The following SLC25A26 variants were observed in gnomAD, a reference collection of about 807,000 sequenced individuals.
The protein encoded by SLC25A26 is mitochondrial S-adenosylmethionine carrier protein.
A neutral mutation model predicts 37.8 loss-of-function variants in SLC25A26; 36 were observed. The ratio of observed to expected loss-of-function variants is 0.95; its 90% CI spans 0.73 to 1.26. The LOEUF is 1.26. Among genes scored for constraint, SLC25A26 ranks in the 50% most tolerant of loss-of-function variants. SLC25A26 has a pLI of 0.00. For missense variants in SLC25A26, 390 were observed against 331.1 expected (o/e 1.18, Z -1.38); for synonymous variants, 129 against 122.5 (o/e 1.05, Z -0.35).
At chr3:66,292,047 T>A (rs1484839461) in intron 5 of SLC25A26, among the ~76,000 whole-genome samples, 2 of 152,240 alleles carry the variant, frequency 1.3e-5, no homozygotes, top group Non-Finnish European at 2.9e-5. Flanking sequence ...CCTTTACCGC[T>A]ACATAATGCC....
chr3:66,339,677 C>G (rs191822895), intron 5 of SLC25A26, among the ~76,000 whole-genome samples: 6 of 151,914 alleles, frequency 3.9e-5, no homozygotes, highest in African/African-American at 1.4e-4. Flanking sequence ...TGTGCATCTT[C>G]TCTAGAATGA....
At chr3:66,284,190 T>A (rs775734740) in intron 5 of SLC25A26, among the ~76,000 whole-genome samples, 1 of 152,026 alleles carries the variant, frequency 6.6e-6, no homozygotes, top group African/African-American at 2.4e-5. Context: ...CTACAAAAAA[T>A]TTTTAAAAAA....
At chr3:66,162,821 T>C (rs1031726457) in intron 1 of SLC25A26, among the ~76,000 whole-genome samples, 1 of 152,128 alleles carries the variant, frequency 6.6e-6, no homozygotes, top group African/African-American at 2.4e-5. Context: ...CACATGGAGG[T>C]GAAGTTATGA....
At chr3:66,247,003 A>C (rs1264492672) in intron 3 of SLC25A26, among the ~76,000 whole-genome samples, 1 of 151,698 alleles carries the variant, frequency 6.6e-6, no homozygotes, top group East Asian at 1.9e-4. Flanking sequence ...CTGGGACTAC[A>C]GGCACCCGCC....
intron 5 of SLC25A26, among the ~76,000 whole-genome samples, chr3:66,282,088 T>C (rs1036350984): frequency 1.4e-5 from 2 of 142,012 alleles, no homozygotes; most frequent in African/African-American, 5.3e-5. Context: ...CTCGGCTCAC[T>C]GCAAGCTCCG....
rs568213997 is a variant in SLC25A26 at position 66,345,203 on chromosome 3, G to A, written c.454-1161G>A. On this transcript the variant is annotated intron_variant, in intron 5 of 9. Transcript: ENST00000354883. ...CCTAGCTGTGCCTGGGACGTGATCA[G>A]TGCTCAGACCCACGTCCCCCTGTGT... is the stretch of plus-strand genomic sequence containing the variant. Among the ~76,000 whole-genome samples the A allele has an allele frequency of 2.6e-5, 4 of 152,240 alleles. No homozygotes were observed. In the South Asian group the frequency reaches 8.3e-4, roughly 32 times the overall value.
intron 5 of SLC25A26, among the ~76,000 whole-genome samples, chr3:66,345,032 A>G (rs368591426): frequency 3.7e-4 from 57 of 152,352 alleles, no homozygotes; most frequent in African/African-American, 1.3e-3. Context: ...TAAAGCTTAC[A>G]AAGTGCATAT....
At chr3:66,289,302 T>C (rs2074623672) in intron 5 of SLC25A26, among the ~76,000 whole-genome samples, 1 of 152,220 alleles carries the variant, frequency 6.6e-6, no homozygotes, top group Non-Finnish European at 1.5e-5. Flanking sequence ...TAGTTTCTTT[T>C]GCTGTGCAGA....
chr3:66,216,209 A>C (rs1255299391), upstream of SLC25A26, among the ~76,000 whole-genome samples: 3 of 152,308 alleles, frequency 2.0e-5, no homozygotes, highest in African/African-American at 7.2e-5. Flanking sequence ...AACAAATACT[A>C]TCGTATTTTT....
In SLC25A26 at chr3:66,377,899, C is replaced by T. The variant is rs1485084335; in HGVS notation, c.*92C>T. ...GAGCAGCTGTCTGAACTATAGGCCC[C>T]AGTGCTGAAGACCAGTTGTGCTAAG... is the stretch of plus-strand genomic sequence containing the variant. On this transcript the variant is annotated 3_prime_UTR_variant, in exon 10 of 10. Transcript: ENST00000354883. 3.1e-6 allele frequency: 3 copies of T among 970,730 alleles called. No individual in the cohort carries two copies. The African/African-American group carries it at 4.9e-5, about 16-fold the overall frequency. The allele number at this position is 970,730 out of a possible 1,614,324, so 60.1% of individuals were successfully genotyped here.
At chr3:66,136,451 G>C (rs1576588562) in intron 1 of SLC25A26, among the ~76,000 whole-genome samples, 2 of 152,300 alleles carry the variant, frequency 1.3e-5, no homozygotes, top group South Asian at 4.1e-4. Flanking sequence ...AAAACAGGGT[G>C]AGCATGTAAT....
intron 6 of SLC25A26, among the ~76,000 whole-genome samples, chr3:66,358,922 AT>A (rs2076636415): frequency 6.6e-6 from 1 of 152,194 alleles, no homozygotes; most frequent in African/African-American, 2.4e-5. Flanking sequence ...GGAAGTGTGT[AT>A]TGTGGTTGCT....
At position 66,213,399 on chromosome 3, in the gene SLC25A26, C is replaced by CAAAAAA. The variant is rs1169648803; in HGVS notation, c.-353-7321_-353-7316dup. On this transcript the variant is annotated intron_variant, in intron 1 of 10. Coordinates refer to the SLC25A26 transcript ENST00000676754. The stretch of plus-strand genomic sequence containing the variant: ...TGGGAAACAGAGCAAGACTCTGTCT[C>CAAAAAA]AAAAAAAAAAAAAAAAAAAAAAAAA... Among the ~76,000 whole-genome samples, 9 of 28,838 alleles carry CAAAAAA rather than the reference C, an allele frequency of 3.1e-4. 2 individuals are homozygous for CAAAAAA. In the East Asian group the frequency reaches 4.3e-3, roughly 14 times the overall value. The allele number at this position is 28,838 out of a possible 152,430, so 18.9% of individuals were successfully genotyped here. A position where few individuals can be genotyped will look rare whatever the true frequency, so the allele number is the denominator to read the frequency against.
rs573109982 is a variant in SLC25A26 at position 66,283,790 on chromosome 3, C to G, written c.453+20411C>G. The stretch of plus-strand genomic sequence containing the variant: ...AAATAAATTTATTTGCAAAAAAGAA[C>G]CACACATATTTATGAGAGAGAAACT... On this transcript the variant is annotated intron_variant, in intron 5 of 9. Transcript: ENST00000354883. 2.5e-3 allele frequency among the ~76,000 whole-genome samples: 377 copies of G among 152,180 alleles called. 2 individuals carry two copies. The highest frequency in any genetic ancestry group is 8.3e-3 in the African/African-American group (345 of 41,514).
intron 3 of SLC25A26, among the ~76,000 whole-genome samples, chr3:66,258,270 T>A (rs2073384058): frequency 6.6e-6 from 1 of 152,048 alleles, no homozygotes; most frequent in African/African-American, 2.4e-5. Context: ...CTCTGTTGTG[T>A]GATAGGGTGG....
At position 66,194,753 on chromosome 3, in the gene SLC25A26, C is replaced by T. The variant is rs1023374270; in HGVS notation, c.-353-25989C>T. On this transcript the variant is annotated intron_variant, in intron 1 of 10. Coordinates refer to the SLC25A26 transcript ENST00000676754. ...CATAGCTGGGATTACAGGCATGCGC[C>T]ACCACGCCCAGCTAATTTTGTATTT... is the stretch of plus-strand genomic sequence containing the variant. Among the ~76,000 whole-genome samples, 18 of 152,360 alleles carry T rather than the reference C, an allele frequency of 1.2e-4. No homozygotes were observed. In the South Asian group the frequency reaches 3.7e-3, roughly 32 times the overall value.
chr3:66,375,904 T>C (rs1034460323), intron 9 of SLC25A26, among the ~76,000 whole-genome samples: 1 of 151,610 alleles, frequency 6.6e-6, no homozygotes, highest in Non-Finnish European at 1.5e-5. Context: ...GTGGGCAAAG[T>C]AAATTGGAAG....
intron 1 of SLC25A26, among the ~76,000 whole-genome samples, chr3:66,232,410 A>G (rs185972423): frequency 1.3e-5 from 2 of 152,332 alleles, no homozygotes; most frequent in East Asian, 3.9e-4. Flanking sequence ...TAAAATATAG[A>G]TAGTAACCCT....
intron 1 of SLC25A26, among the ~76,000 whole-genome samples, chr3:66,157,737 A>T (rs1331909588): frequency 6.6e-6 from 1 of 152,156 alleles, no homozygotes; most frequent in Non-Finnish European, 1.5e-5. Flanking sequence ...GTTTCATTGC[A>T]TTTTCTACTA....
Sources: allele counts gnomAD v4.1 joint callset (sites outside exome capture counted in the v4.1 genomes callset), GRCh38; gene constraint gnomAD v4.1.1; transcripts MANE v1.5; gene names NCBI Gene and HGNC (gene_info 2026-07-23, HGNC 2026-07-21).